The following POLD1 variants were observed in gnomAD, a reference collection of about 807,000 sequenced individuals.
POLD1 encodes DNA polymerase delta catalytic subunit.
In POLD1, 79 loss-of-function variants were observed where a neutral mutation model predicts 129.7. That is an observed-to-expected ratio of 0.61 (90% CI 0.51 to 0.73). The LOEUF (loss-of-function observed/expected upper bound fraction) is 0.73, where lower values mean the gene tolerates loss of function less well. Among genes scored for constraint, POLD1 ranks in the 30% least tolerant of loss-of-function variants. POLD1 has a pLI of 0.00. For synonymous variants in POLD1, 714 were observed against 683.3 expected, an observed-to-expected ratio of 1.04 and a Z score of -0.70; for missense variants, 1,338 against 1,595.8, an observed-to-expected ratio of 0.84 and a Z score of 2.75.
intron 1 of POLD1, among the ~76,000 whole-genome samples, chr19:50,393,680 G>A (rs564678446): frequency 9.9e-5 from 15 of 152,206 alleles, no homozygotes; most frequent in African/African-American, 3.1e-4. Flanking sequence ...AAGAGAGAAA[G>A]TAATAATAAA....
intron 26 of POLD1, 48 bp downstream of exon 26, chr19:50,417,317 C>T (rs2122510999): frequency 7.3e-7 from 1 of 1,374,590 alleles, no homozygotes; most frequent in Non-Finnish European, 1.0e-6. Flanking sequence ...TTCCCAGCTC[C>T]CAGGCCTGTG....
chr19:50,415,599 C>G lies in POLD1; in HGVS notation c.2717+9C>G, dbSNP rs760140187. The G allele has an allele frequency of 1.2e-6, 2 of 1,608,314 alleles. No homozygotes were observed. Among genetic ancestry groups the G allele is most frequent in the African/African-American group, 1.3e-5 (1 of 74,862 alleles). ...GTGGAGCTGGCCGAGAGGTCCTGCG[C>G]GGGGCGGGTGGCCTGGCCAGAAATA... is the stretch of plus-strand genomic sequence containing the variant. On this transcript the variant is annotated intron_variant, in intron 21 of 26. Coordinates refer to ENST00000440232, the MANE Select transcript of POLD1 (RefSeq NM_002691.4).
rs1363253273 is a variant in POLD1 at position 50,413,992 on chromosome 19, T to C, written c.2388+113T>C. On this transcript the variant is annotated intron_variant, in intron 19 of 26. Transcript: ENST00000440232. ...GTGTGAAGGGATGTTGCTGCTTAGA[T>C]TCTCCTGAGGCTGGGGCCTTGGTTT... 3 of 1,147,320 alleles carry C rather than the reference T, an allele frequency of 2.6e-6. No individual in the cohort carries two copies. In the East Asian group the frequency reaches 7.8e-5, roughly 30 times the overall value. 71.1% of individuals were successfully genotyped at this position (1,147,320 alleles called of 1,614,324 possible).
At position 50,416,815 on chromosome 19, in the gene POLD1, G is replaced by A. The variant is rs2039315000; in HGVS notation, c.3067+92G>A. The A allele has an allele frequency of 4.6e-6, 5 of 1,095,048 alleles. No individual in the cohort carries two copies. In the South Asian group the frequency reaches 7.5e-5, roughly 16 times the overall value. The allele number at this position is 1,095,048 out of a possible 1,614,324, so 67.8% of individuals were successfully genotyped here. Reference sequence around the variant, plus strand: ...GACACCCACCCCATCGGCTGGCACTGCCACCCAGTGGGCCCAGGGCCCCTG... The same window carrying A: ...GACACCCACCCCATCGGCTGGCACTACCACCCAGTGGGCCCAGGGCCCCTG... On this transcript the variant is annotated intron_variant, in intron 24 of 26. Coordinates refer to ENST00000440232, the MANE Select transcript of POLD1 (RefSeq NM_002691.4).
chr19:50,385,659 G>A (rs1028182514), intron 1 of POLD1, among the ~76,000 whole-genome samples: 10 of 151,824 alleles, frequency 6.6e-5, no homozygotes, highest in South Asian at 2.1e-4. Flanking sequence ...CTCCTGAGTA[G>A]CTGGGATTAC....
In POLD1 at chr19:50,409,764, G is replaced by A; in HGVS notation, c.2154+98G>A. On this transcript the variant is annotated intron_variant, in intron 17 of 26. Coordinates refer to ENST00000440232, the MANE Select transcript of POLD1 (RefSeq NM_002691.4). This position sits in a 1 kb window ranked among gnomAD's most constrained non-coding sequence, Gnocchi z 5.8. ...GGGGGACCTGTATCCAGAGGACTGGGCACCCCAACTCACTGGCCTTCTAGA... is the reference window on the plus strand; with the variant it reads ...GGGGGACCTGTATCCAGAGGACTGGACACCCCAACTCACTGGCCTTCTAGA... 1.5e-6 allele frequency: 2 copies of A among 1,328,294 alleles called. No individual in the cohort carries two copies. The highest frequency in any genetic ancestry group is 2.8e-5 in the South Asian group (2 of 71,426). The allele number at this position is 1,328,294 out of a possible 1,614,324, so 82.3% of individuals were successfully genotyped here. A position where few individuals can be genotyped will look rare whatever the true frequency, so the allele number is the denominator to read the frequency against.
At chr19:50,398,594 CA>C (rs956544096) in intron 1 of POLD1, among the ~76,000 whole-genome samples, 4 of 92,154 alleles carry the variant, frequency 4.3e-5, no homozygotes, top group African/African-American at 1.7e-4. Flanking sequence ...AAAAAAAAAG[CA>C]AGAGATGTGC....
chr19:50,405,179 G>A lies in POLD1; in HGVS notation c.1243-1003G>A, dbSNP rs2038830723. Among the ~76,000 whole-genome samples the A allele has an allele frequency of 2.0e-5, 3 of 152,132 alleles. No individual in the cohort carries two copies. The South Asian group carries it at 6.2e-4, about 31-fold the overall frequency. ...GCCCACCTCAGCCTCTCAAAGTGCT[G>A]GGATTACAGGTGTGAGCCAGTGCAC... On this transcript the variant is annotated intron_variant, in intron 10 of 26. Coordinates refer to ENST00000440232, the MANE Select transcript of POLD1 (RefSeq NM_002691.4).
Position 50,415,550 on chromosome 19 carries a change from G to A in POLD1, c.2677G>A (p.Asp893Asn), listed in dbSNP as rs747559034. Residue 893 changes from aspartate to asparagine, a missense_variant, in exon 21 of 27, where the codon GAC (aspartate) becomes AAC (asparagine). By Grantham distance (23) the Asp-to-Asn change is conservative. Transcript: ENST00000440232. ...CAAGGAGCTGACCCGCGCGGCCTCC[G>A]ACTATGCCGGCAAGCAGGCCCACGT... ...ITKELTRAAS[D>N]YAGKQAHVEL... The A allele has an allele frequency of 2.2e-5, 36 of 1,612,534 alleles. No individual in the cohort carries two copies. The highest frequency in any genetic ancestry group is 4.4e-5 in the South Asian group (4 of 90,988).
intron 22 of POLD1, 97 bp downstream of exon 22, chr19:50,415,923 TG>T: frequency 4.2e-6 from 4 of 952,668 alleles, no homozygotes; most frequent in Non-Finnish European, 6.1e-6. Context: ...GGGCCTCCCG[TG>T]CCCTGTGGGG....
chr19:50,414,751 G>A (rs574849452), intron 19 of POLD1, 64 bp from the exon 20 acceptor site: 13 of 1,318,138 alleles, frequency 9.9e-6, no homozygotes, highest in Non-Finnish European at 1.3e-5. Context: ...AGTTTCTGGG[G>A]GGCGTCTCCA....
In POLD1 at chr19:50,415,606, G is replaced by A. The variant is rs1465042492; in HGVS notation, c.2717+16G>A. ...TGGCCGAGAGGTCCTGCGCGGGGCG[G>A]GTGGCCTGGCCAGAAATAACCCCCT... On this transcript the variant is annotated intron_variant, in intron 21 of 26. Coordinates refer to ENST00000440232, the MANE Select transcript of POLD1 (RefSeq NM_002691.4). 2 of 1,607,508 alleles carry A rather than the reference G, an allele frequency of 1.2e-6. No individual in the cohort carries two copies. Among genetic ancestry groups the A allele is most frequent in the Admixed American group, 1.7e-5 (1 of 59,738 alleles).
At chr19:50,400,224 T>A (rs1274953542) in intron 3 of POLD1, among the ~76,000 whole-genome samples, 2 of 136,866 alleles carry the variant, frequency 1.5e-5, no homozygotes, top group African/African-American at 5.6e-5. Flanking sequence ...TTTTTTTTTT[T>A]TTTTTTTTTT....
At chr19:50,399,327 G>GT in intron 2 of POLD1, 44 bp from the exon 3 acceptor site, 17 of 1,483,486 alleles carry the variant, frequency 1.1e-5, no homozygotes, top group Non-Finnish European at 1.6e-5. Flanking sequence ...GGCCGGGGAA[G>GT]ACCATGACTC....
chr19:50,399,767 C>T (rs1182402358), intron 3 of POLD1, among the ~76,000 whole-genome samples: 1 of 152,230 alleles, frequency 6.6e-6, no homozygotes, highest in Admixed American at 6.5e-5. Flanking sequence ...TGTGCAAGGA[C>T]CTCTGTGCCT....
At chr19:50,389,212 C>T (rs937184194) in intron 1 of POLD1, among the ~76,000 whole-genome samples, 4 of 151,390 alleles carry the variant, frequency 2.6e-5, no homozygotes, top group Admixed American at 1.3e-4. Flanking sequence ...ACTGCAGCCT[C>T]GACCTCCCCA....
intron 1 of POLD1, among the ~76,000 whole-genome samples, chr19:50,392,212 A>G (rs1325289908): frequency 1.3e-5 from 2 of 152,136 alleles, no homozygotes; most frequent in Non-Finnish European, 2.9e-5. Flanking sequence ...CTGGGACTGT[A>G]GGTATGCACC....
Position 50,406,457 on chromosome 19 carries a change from C to T in POLD1, c.1434C>T (p.Ser478=), listed in dbSNP as rs1199543659. 3 of 1,599,574 alleles carry T rather than the reference C, an allele frequency of 1.9e-6. No individual in the cohort carries two copies. Among genetic ancestry groups the T allele is most frequent in the African/African-American group, 2.7e-5 (2 of 74,602 alleles). The change falls in exon 12 of 27, where the codon AGC becomes AGT. Residue 478 remains serine (S), a synonymous_variant. Transcript: ENST00000440232. This position sits in a 1 kb window ranked among gnomAD's most constrained non-coding sequence, Gnocchi z 5.5. ...KLRSYTLNAV[S]FHFLGEQKED... is the part of the protein sequence containing the mutation. ...GCTCCTACACGCTCAATGCCGTGAG[C>T]TTCCACTTCCTGGGCGAGCAGAAGG... is the stretch of plus-strand genomic sequence containing the variant.
intron 3 of POLD1, among the ~76,000 whole-genome samples, chr19:50,400,870 G>A (rs886455187): frequency 1.8e-4 from 27 of 151,196 alleles, no homozygotes; most frequent in Admixed American, 6.6e-4. Flanking sequence ...CTAATTTTTT[G>A]TATTTTTAGT....
Sources: gnomAD v4.1 joint callset for allele counts (sites outside exome capture counted in the v4.1 genomes callset) on GRCh38, gnomAD v4.1.1 for gene constraint, Gnocchi (gnomAD v3.1) non-coding constraint, MANE v1.5 for transcripts, NCBI Gene and HGNC (gene_info 2026-07-23, HGNC 2026-07-21) for gene names.